Variants in ATF6 observed in about 807,000 individuals in gnomAD.
ATF6 encodes the protein activating transcription factor 6.
In ATF6, 53 loss-of-function variants were observed where a neutral mutation model predicts 83.6. The observed-to-expected ratio is 0.63, with a 90% CI of 0.51 to 0.80. The LOEUF is 0.80. Ranked by LOEUF, ATF6 falls within the 30% of genes least tolerant of loss-of-function variation. The probability of loss-of-function intolerance (pLI) is 0.00; values close to 1 mark genes in which losing one functional copy is unlikely to be tolerated. For missense variants in ATF6, 744 were observed against 797.9 expected, an observed-to-expected ratio of 0.93 and a Z score of 0.81; for synonymous variants, 288 against 285.8, an observed-to-expected ratio of 1.01 and a Z score of -0.08.
intron 6 of ATF6, among the ~76,000 whole-genome samples, chr1:161,794,815 A>T (rs954032192): frequency 7.9e-5 from 12 of 152,154 alleles, no homozygotes; most frequent in African/African-American, 2.7e-4. Context: ...AGTAGTGTAG[A>T]TGAGAGATAA....
intron 14 of ATF6, among the ~76,000 whole-genome samples, chr1:161,863,845 G>A (rs1033100460): frequency 2.0e-5 from 3 of 152,180 alleles, no homozygotes; most frequent in African/African-American, 7.2e-5. Flanking sequence ...GTTAGCTTAT[G>A]TAAAAGTAAA....
chr1:161,906,023 C>T (rs1011030017), intron 14 of ATF6, among the ~76,000 whole-genome samples: 16 of 151,986 alleles, frequency 1.1e-4, no homozygotes, highest in Non-Finnish European at 8.8e-5. Flanking sequence ...TTATTAGAGA[C>T]GGGGTTTCAC....
At chr1:161,867,294 CA>C (rs928588906) in intron 14 of ATF6, among the ~76,000 whole-genome samples, 56 of 143,042 alleles carry the variant, frequency 3.9e-4, no homozygotes, top group East Asian at 6.0e-4. Flanking sequence ...GACTCCATCT[CA>C]AAAAAAAAAT....
At chr1:161,879,796 A>G (rs534339355) in intron 14 of ATF6, among the ~76,000 whole-genome samples, 1 of 152,202 alleles carries the variant, frequency 6.6e-6, no homozygotes, top group African/African-American at 2.4e-5. Context: ...CTGTGAAGCA[A>G]AGTATCATCC....
At chr1:161,873,206 C>T (rs1044315693) in intron 14 of ATF6, among the ~76,000 whole-genome samples, 3 of 151,648 alleles carry the variant, frequency 2.0e-5, no homozygotes, top group Middle Eastern at 3.4e-3. Context: ...TCTTTTAAAT[C>T]TTAAATACAG....
At chr1:161,899,398 A>G (rs1301900235) in intron 14 of ATF6, among the ~76,000 whole-genome samples, 1 of 152,182 alleles carries the variant, frequency 6.6e-6, no homozygotes, top group Non-Finnish European at 1.5e-5. Context: ...ACCAAGAGTT[A>G]GGGAGAAATA....
intron 7 of ATF6, among the ~76,000 whole-genome samples, chr1:161,809,632 A>G (rs1406775266): frequency 6.6e-6 from 1 of 152,212 alleles, no homozygotes; most frequent in Non-Finnish European, 1.5e-5. Flanking sequence ...GTCTTCCACA[A>G]TGGTTGAACT....
intron 14 of ATF6, among the ~76,000 whole-genome samples, chr1:161,875,285 T>G (rs1257937698): frequency 6.6e-6 from 1 of 151,790 alleles, no homozygotes; most frequent in African/African-American, 2.4e-5. Flanking sequence ...AAAGGTTAGT[T>G]GCAACACGGA....
At chr1:161,947,738 G>T (rs575229876) in intron 15 of ATF6, among the ~76,000 whole-genome samples, 44 of 147,296 alleles carry the variant, frequency 3.0e-4, no homozygotes, top group Non-Finnish European at 3.9e-4. Flanking sequence ...ATTATTTAGT[G>T]TGCAAGATAG....
chr1:161,836,972 C>T (rs555141487), intron 9 of ATF6, among the ~76,000 whole-genome samples: 92 of 152,168 alleles, frequency 6.0e-4, no homozygotes, highest in African/African-American at 2.1e-3. Context: ...TTGAGTACTT[C>T]GATATGTTCT....
chr1:161,862,450 T>C (rs1686905024), intron 13 of ATF6, among the ~76,000 whole-genome samples: 1 of 152,196 alleles, frequency 6.6e-6, no homozygotes, highest in Admixed American at 6.5e-5. Flanking sequence ...TCTATTAGAA[T>C]CATTTGACTG....
intron 7 of ATF6, among the ~76,000 whole-genome samples, chr1:161,804,785 C>T (rs1226932317): frequency 1.3e-5 from 2 of 151,466 alleles, no homozygotes; most frequent in Non-Finnish European, 2.9e-5. Flanking sequence ...AAACATATTC[C>T]AATTAATTAT....
intron 6 of ATF6, among the ~76,000 whole-genome samples, chr1:161,800,575 T>C (rs1400599311): frequency 2.6e-5 from 4 of 152,174 alleles, no homozygotes; most frequent in Non-Finnish European, 5.9e-5. Context: ...GAAAAAATAA[T>C]GTGTGCAGAG....
chr1:161,776,266 C>T (rs900888733), intron 1 of ATF6, among the ~76,000 whole-genome samples: 7 of 152,184 alleles, frequency 4.6e-5, no homozygotes, highest in African/African-American at 1.4e-4. Context: ...ACTCAGCCTG[C>T]GTTTTCCATC....
intron 12 of ATF6, among the ~76,000 whole-genome samples, chr1:161,854,408 G>A (rs1167629905): frequency 1.3e-5 from 2 of 152,196 alleles, no homozygotes; most frequent in African/African-American, 4.8e-5. Context: ...TTAAGAATCA[G>A]GCCTGGCTTT....
chr1:161,912,801 A>C (rs549580330), intron 15 of ATF6, among the ~76,000 whole-genome samples: 2 of 152,162 alleles, frequency 1.3e-5, no homozygotes, highest in Non-Finnish European at 2.9e-5. Context: ...TTTATGTTTA[A>C]TTGATAATAC....
chr1:161,767,848 ATTTCT>A (rs1684302202), intron 1 of ATF6, among the ~76,000 whole-genome samples: 1 of 152,016 alleles, frequency 6.6e-6, no homozygotes, highest in African/African-American at 2.4e-5. Context: ...TTTTCATGAC[ATTTCT>A]TTTCTTTACC....
In ATF6 at chr1:161,885,583, A is replaced by T. The variant is rs140997369; in HGVS notation, c.1719+22271A>T. The stretch of plus-strand genomic sequence containing the variant: ...AGATTTCCAAAATGGGTTTTTATAT[A>T]ATATAATATAATTCAACATTTTTTT... On this transcript the variant is annotated intron_variant, in intron 14 of 15. Coordinates refer to ENST00000367942, the MANE Select transcript of ATF6 (RefSeq NM_007348.4). Among the ~76,000 whole-genome samples the T allele has an allele frequency of 5.3e-4, 80 of 152,240 alleles. 2 individuals carry two copies. Among genetic ancestry groups the T allele is most frequent in the African/African-American group, 1.9e-3 (79 of 41,546 alleles).
intron 10 of ATF6, among the ~76,000 whole-genome samples, chr1:161,850,838 A>G (rs1686601234): frequency 6.6e-6 from 1 of 152,166 alleles, no homozygotes; most frequent in Non-Finnish European, 1.5e-5. Context: ...TGTTAGTGAG[A>G]GAGATTAAGA....
Sources: gnomAD v4.1 joint callset for allele counts (sites outside exome capture counted in the v4.1 genomes callset) on GRCh38, gnomAD v4.1.1 for gene constraint, MANE v1.5 for transcripts, NCBI Gene and HGNC (gene_info 2026-07-23, HGNC 2026-07-21) for gene names.